The following VPS13B variants were observed in gnomAD, a reference collection of about 807,000 sequenced individuals.
VPS13B encodes intermembrane lipid transfer protein VPS13B.
A neutral mutation model predicts 426.4 loss-of-function variants in VPS13B; 285 were observed. The ratio of observed to expected loss-of-function variants is 0.67; its 90% CI spans 0.61 to 0.74. The LOEUF is 0.74. Among genes scored for constraint, VPS13B ranks in the 30% least tolerant of loss-of-function variants. VPS13B has a pLI of 0.00. For missense variants in VPS13B, 4,537 were observed against 4,782.6 expected (o/e 0.95, Z 1.51); for synonymous variants, 1,676 against 1,676.4 (o/e 1.00, Z 0.01).
intron 3 of VPS13B, among the ~76,000 whole-genome samples, chr8:99,095,503 A>G (rs6989201): frequency 0.83 from 125,697 of 152,128 alleles, 52,431 homozygotes; most frequent in South Asian, 0.89. Context: ...CTCTTTTTAT[A>G]CTCCTTATTA....
intron 22 of VPS13B, among the ~76,000 whole-genome samples, chr8:99,440,684 G>A (rs1817638324): frequency 6.6e-6 from 1 of 151,938 alleles, no homozygotes; most frequent in African/African-American, 2.4e-5. Flanking sequence ...TGCTCACATT[G>A]TTTACACTTG....
At chr8:99,233,685 G>A in intron 17 of VPS13B, 1 of 802,720 alleles carries the variant, frequency 1.2e-6, no homozygotes, top group South Asian at 1.3e-5. Flanking sequence ...GTTCTTTCCG[G>A]GTTGCATATG....
intron 29 of VPS13B, among the ~76,000 whole-genome samples, chr8:99,516,787 CAAAAAAAAAAAAAAA>C (rs528490868): frequency 0.16 from 2,666 of 16,746 alleles, 97 homozygotes; most frequent in Non-Finnish European, 0.2. Context: ...GACCGTGTCT[CAAAAAAAAAAAAAAA>C]AAAAAAAAAA....
chr8:99,666,056 A>G (rs1407089621), intron 35 of VPS13B, among the ~76,000 whole-genome samples: 2 of 152,114 alleles, frequency 1.3e-5, no homozygotes, highest in Non-Finnish European at 2.9e-5. Context: ...TTGGATTCCT[A>G]GGTATTTTAT....
At chr8:99,511,637 TTTTA>T in intron 29 of VPS13B, 125 bp downstream of exon 29, 4 of 946,396 alleles carry the variant, frequency 4.2e-6, no homozygotes, top group Non-Finnish European at 4.7e-6. Flanking sequence ...GTTTGGTATA[TTTTA>T]TAGAGAGGAA....
At position 99,241,407 on chromosome 8, in the gene VPS13B, C is replaced by T. The variant is rs565690042; in HGVS notation, c.2516-32791C>T. 3 of 152,172 alleles carry T rather than the reference C, an allele frequency of 2.0e-5. 1 individual carries two copies. The East Asian group carries it at 5.8e-4, about 29-fold the overall frequency. The allele number at this position is 152,172 out of a possible 1,614,324, so 9.4% of individuals were successfully genotyped here. A position where few individuals can be genotyped will look rare whatever the true frequency, so the allele number is the denominator to read the frequency against. ...GAATGATATATATTCTCTTTTGTGG[C>T]TAGAGTCAGTCAGGTCTTTGTGAAA... On this transcript the variant is annotated intron_variant, in intron 17 of 61. Transcript: ENST00000357162.
intron 3 of VPS13B, among the ~76,000 whole-genome samples, chr8:99,040,124 T>C (rs1419370162): frequency 6.6e-6 from 1 of 152,184 alleles, no homozygotes; most frequent in East Asian, 1.9e-4. Context: ...AAGTACTTTT[T>C]TCATTGAGAA....
At chr8:99,340,621 T>A in intron 19 of VPS13B, 3 of 425,372 alleles carry the variant, frequency 7.1e-6, no homozygotes, top group South Asian at 5.9e-5. Context: ...TTCTTTTCCC[T>A]TCAAAGCCAG....
At chr8:99,710,340 G>A (rs1192610876) in intron 36 of VPS13B, among the ~76,000 whole-genome samples, 1 of 146,330 alleles carries the variant, frequency 6.8e-6, no homozygotes, top group East Asian at 1.9e-4. Context: ...GTCCCCCTAG[G>A]AAGAAGAACA....
At chr8:99,383,621 C>T (rs1251502700) in intron 19 of VPS13B, among the ~76,000 whole-genome samples, 1 of 151,928 alleles carries the variant, frequency 6.6e-6, no homozygotes, top group African/African-American at 2.4e-5. Flanking sequence ...GTTATTTCTA[C>T]TCTCCCCTCT....
At chr8:99,168,508 G>A (rs1323898723) in intron 15 of VPS13B, among the ~76,000 whole-genome samples, 2 of 152,030 alleles carry the variant, frequency 1.3e-5, no homozygotes, top group Non-Finnish European at 2.9e-5. Flanking sequence ...TTGGCAGTTG[G>A]ATATTGTTTT....
intron 41 of VPS13B, 132 bp from the exon 42 acceptor site, chr8:99,778,550 T>A: frequency 1.2e-6 from 1 of 814,576 alleles, no homozygotes; most frequent in Non-Finnish European, 2.0e-6. Flanking sequence ...AATAAATAAT[T>A]TGAATTTATT....
intron 25 of VPS13B, among the ~76,000 whole-genome samples, chr8:99,493,736 C>A (rs985219823): frequency 5.0e-5 from 7 of 140,354 alleles, no homozygotes; most frequent in Non-Finnish European, 1.1e-4. Context: ...GAGCTGAGAT[C>A]GTGCCACTGT....
At chr8:99,560,474 A>T (rs896516813) in intron 31 of VPS13B, among the ~76,000 whole-genome samples, 4 of 152,180 alleles carry the variant, frequency 2.6e-5, no homozygotes, top group Non-Finnish European at 5.9e-5. Context: ...CTGGGTCCTG[A>T]GGACAGAGAT....
intron 24 of VPS13B, among the ~76,000 whole-genome samples, chr8:99,472,317 G>C (rs1368614049): frequency 8.6e-5 from 13 of 151,956 alleles, no homozygotes; most frequent in African/African-American, 2.4e-5. Context: ...CTTTTTTACA[G>C]ATATACATGG....
intron 21 of VPS13B, among the ~76,000 whole-genome samples, chr8:99,425,682 T>A (rs1385493996): frequency 6.6e-6 from 1 of 152,002 alleles, no homozygotes; most frequent in African/African-American, 2.4e-5. Flanking sequence ...CTCTCACCAC[T>A]CCTGTTCAAC....
chr8:99,728,967 C>CT (rs1008600364), intron 39 of VPS13B, among the ~76,000 whole-genome samples: 1 of 151,800 alleles, frequency 6.6e-6, no homozygotes, highest in Non-Finnish European at 1.5e-5. Context: ...TTTCAACAGA[C>CT]TTTTTTTTTC....
chr8:99,749,950 A>G (rs1031130031), intron 39 of VPS13B, among the ~76,000 whole-genome samples: 3 of 152,114 alleles, frequency 2.0e-5, no homozygotes, highest in African/African-American at 7.2e-5. Flanking sequence ...ATGTGTCATG[A>G]ACAAAACGTA....
intron 2 of VPS13B, among the ~76,000 whole-genome samples, chr8:99,028,155 C>A (rs865879599): frequency 6.6e-6 from 1 of 152,108 alleles, no homozygotes; most frequent in Non-Finnish European, 1.5e-5. Flanking sequence ...TCAATCTTTT[C>A]CCCACCCTTC....
Sources: gnomAD v4.1 joint callset for allele counts (sites outside exome capture counted in the v4.1 genomes callset) on GRCh38, gnomAD v4.1.1 for gene constraint, MANE v1.5 for transcripts, NCBI Gene and HGNC (gene_info 2026-07-23, HGNC 2026-07-21) for gene names.